GPATCH2: variants seen among roughly 807,000 people sequenced by gnomAD.
GPATCH2 encodes the protein G patch domain-containing protein 2.
A neutral mutation model predicts 58.0 loss-of-function variants in GPATCH2; 51 were observed. That is an observed-to-expected ratio of 0.88 (90% confidence interval 0.70 to 1.11). The LOEUF (loss-of-function observed/expected upper bound fraction) is 1.11. Ranked by LOEUF, GPATCH2 falls within the 50% of genes most tolerant of loss-of-function variation. The probability of loss-of-function intolerance (pLI) is 0.00; values close to 1 mark genes in which losing one functional copy is unlikely to be tolerated. For synonymous variants in GPATCH2, 222 were observed against 218.5 expected (o/e 1.02, Z -0.14); for missense variants, 625 against 652.2 (o/e 0.96, Z 0.45).
rs559829989 is a variant in GPATCH2 at position 217,613,380 on chromosome 1, T to C, written c.835+761A>G. On this transcript the variant is annotated intron_variant, in intron 3 of 9. Transcript: ENST00000366935. ...AACTAAATTTATAATTTAAAATTTA[T>C]ATTAGTGTTTTTCACTTGGAACTTA... Among the ~76,000 whole-genome samples the C allele has an allele frequency of 2.6e-5, 4 of 152,246 alleles. No individual in the cohort carries two copies. In the East Asian group the frequency reaches 7.7e-4, roughly 29 times the overall value.
chr1:217,616,145 T>C (rs1238920919), intron 2 of GPATCH2, among the ~76,000 whole-genome samples: 1 of 152,154 alleles, frequency 6.6e-6, no homozygotes, highest in African/African-American at 2.4e-5. Context: ...GGATTTGGGA[T>C]ATATGGGAAT....
intron 9 of GPATCH2, among the ~76,000 whole-genome samples, chr1:217,438,510 G>A (rs1006182500): frequency 2.0e-5 from 3 of 152,086 alleles, no homozygotes; most frequent in African/African-American, 7.2e-5. Context: ...AACCAGTTTA[G>A]AGAAGAACAT....
intron 5 of GPATCH2, among the ~76,000 whole-genome samples, chr1:217,518,211 C>G (rs1239226358): frequency 6.6e-6 from 1 of 152,062 alleles, no homozygotes; most frequent in Non-Finnish European, 1.5e-5. Context: ...TCACATGGAT[C>G]TTAGATTTTG....
Position 217,523,413 on chromosome 1 carries a change from G to A in GPATCH2, c.1099-8524C>T, listed in dbSNP as rs1416516180. On this transcript the variant is annotated intron_variant, in intron 5 of 9. Transcript: ENST00000366935. ...CTGCCTTCAAGCGTCTGTTTAACAA[G>A]GCACAACTTGCACCGCCCTTAATCC... Among the ~76,000 whole-genome samples the A allele has an allele frequency of 4.0e-4, 61 of 151,732 alleles. 1 individual carries two copies. The highest frequency in any genetic ancestry group is 6.8e-3 in the Middle Eastern group (2 of 294).
At chr1:217,613,983 C>A (rs1276051941) in intron 3 of GPATCH2, among the ~76,000 whole-genome samples, 158 bp downstream of exon 3, 2 of 152,086 alleles carry the variant, frequency 1.3e-5, no homozygotes, top group Non-Finnish European at 2.9e-5. Flanking sequence ...CCCTCCATAG[C>A]ATATAAAAAA....
chr1:217,614,034 G>T lies in GPATCH2; in HGVS notation c.835+107C>A, dbSNP rs184208555. 1.3e-4 allele frequency: 90 copies of T among 714,374 alleles called. 1 individual carries two copies. In the East Asian group the frequency reaches 2.1e-3, roughly 17 times the overall value. The allele number at this position is 714,374 out of a possible 1,614,324, so 44.3% of individuals were successfully genotyped here. A position where few individuals can be genotyped will look rare whatever the true frequency, so the allele number is the denominator to read the frequency against. On this transcript the variant is annotated intron_variant, in intron 3 of 9. Coordinates refer to ENST00000366935, the MANE Select transcript of GPATCH2 (RefSeq NM_018040.5). ...AATCCTAGTTCACTAAGTAATATGTGTAAGGTAAATGGATTGCAGTCATCA... is the reference window on the plus strand; with the variant it reads ...AATCCTAGTTCACTAAGTAATATGTTTAAGGTAAATGGATTGCAGTCATCA...
rs193107956 is a variant in GPATCH2 at position 217,430,678 on chromosome 1, A to C, written c.*467T>G. On this transcript the variant is annotated 3_prime_UTR_variant, in exon 10 of 10. Coordinates refer to ENST00000366935, the MANE Select transcript of GPATCH2 (RefSeq NM_018040.5). ...ATGAAATTGACAAGCCTTTCAAACAAAGATGTGTTCGGACTTCACTGATGC... is the reference window on the plus strand; with the variant it reads ...ATGAAATTGACAAGCCTTTCAAACACAGATGTGTTCGGACTTCACTGATGC... 5 of 157,124 alleles carry C rather than the reference A, an allele frequency of 3.2e-5. No individual in the cohort carries two copies. In the East Asian group the frequency reaches 9.4e-4, roughly 29 times the overall value. 9.7% of individuals were successfully genotyped at this position (157,124 alleles called of 1,614,324 possible).
intron 9 of GPATCH2, among the ~76,000 whole-genome samples, chr1:217,446,661 T>C (rs1175612528): frequency 1.3e-5 from 2 of 152,182 alleles, no homozygotes; most frequent in South Asian, 2.1e-4. Flanking sequence ...TAAATTTCTA[T>C]GAATTTTATC....
chr1:217,602,718 GA>G (rs1668165754), intron 5 of GPATCH2, among the ~76,000 whole-genome samples: 1 of 152,098 alleles, frequency 6.6e-6, no homozygotes, highest in Non-Finnish European at 1.5e-5. Flanking sequence ...AAGAAAGGGT[GA>G]AAATGGAGGA....
chr1:217,484,614 CAT>C (rs1661369347), intron 8 of GPATCH2, among the ~76,000 whole-genome samples: 1 of 147,774 alleles, frequency 6.8e-6, no homozygotes, highest in Non-Finnish European at 1.5e-5. Flanking sequence ...TATGTATACA[CAT>C]ACACATGCAT....
chr1:217,599,463 G>C (rs993056419), intron 5 of GPATCH2, among the ~76,000 whole-genome samples: 2 of 152,202 alleles, frequency 1.3e-5, no homozygotes, highest in African/African-American at 4.8e-5. Flanking sequence ...GACTTGTCTA[G>C]ATGTGGCAAG....
At chr1:217,510,262 A>T (rs886125203) in intron 6 of GPATCH2, among the ~76,000 whole-genome samples, 10 of 152,138 alleles carry the variant, frequency 6.6e-5, no homozygotes, top group African/African-American at 2.2e-4. Flanking sequence ...ATAATTGATT[A>T]TAAATTATCA....
intron 5 of GPATCH2, among the ~76,000 whole-genome samples, chr1:217,521,473 G>C (rs942144363): frequency 6.6e-6 from 1 of 151,972 alleles, no homozygotes; most frequent in African/African-American, 2.4e-5. Flanking sequence ...TTCAGCCAAG[G>C]ATACTCTAGA....
chr1:217,444,386 T>A (rs1483267453), intron 9 of GPATCH2, among the ~76,000 whole-genome samples: 1 of 152,220 alleles, frequency 6.6e-6, no homozygotes, highest in Non-Finnish European at 1.5e-5. Flanking sequence ...AGGGCCATTT[T>A]GGTCTTGAAC....
chr1:217,622,704 C>T (rs1558535028), intron 1 of GPATCH2, among the ~76,000 whole-genome samples: 2 of 152,138 alleles, frequency 1.3e-5, no homozygotes, highest in African/African-American at 2.4e-5. Flanking sequence ...CCACCATGCC[C>T]GGCTAATTTT....
intron 8 of GPATCH2, among the ~76,000 whole-genome samples, chr1:217,463,641 C>CAAAAAAAAAAAAAAAAAAAAAAAAA (rs201402598): frequency 2.4e-5 from 2 of 82,452 alleles, no homozygotes; most frequent in Non-Finnish European, 2.2e-5. Context: ...CTTATCACTC[C>CAAAAAAAAAAAAAAAAAAAAAAAAA]AAAAAAAAAA....
chr1:217,506,789 A>AT (rs1415447886), intron 6 of GPATCH2, among the ~76,000 whole-genome samples: 2 of 152,228 alleles, frequency 1.3e-5, no homozygotes, highest in Non-Finnish European at 2.9e-5. Context: ...ATGCTTTAGC[A>AT]TAAGAATCCT....
At chr1:217,511,817 C>CTGTGTGTGTGTGTGTGTGTG (rs35836441) in intron 6 of GPATCH2, among the ~76,000 whole-genome samples, 30 of 149,040 alleles carry the variant, frequency 2.0e-4, no homozygotes, top group African/African-American at 7.4e-4. Flanking sequence ...AACTGGAAGT[C>CTGTGTGTGTGTGTGTGTGTG]TGTGTGTGTG....
rs977476937 is a variant in GPATCH2 at position 217,427,614 on chromosome 1, T to A, written c.*3531A>T. The A allele has an allele frequency of 4.7e-5, 7 of 149,614 alleles. No homozygotes were observed. Among genetic ancestry groups the A allele is most frequent in the Non-Finnish European group, 8.9e-5 (6 of 67,050 alleles). The allele number at this position is 149,614 out of a possible 1,614,324, so 9.3% of individuals were successfully genotyped here. On this transcript the variant is annotated 3_prime_UTR_variant, in exon 10 of 10. Transcript: ENST00000366935. ...TACCAAAAGAAAAAATAAAAAAAAATATTCTTTGCTAACAATTTCTTTACA... is the reference window on the plus strand; with the variant it reads ...TACCAAAAGAAAAAATAAAAAAAAAAATTCTTTGCTAACAATTTCTTTACA...
Sources: gnomAD v4.1 joint callset for allele counts (sites outside exome capture counted in the v4.1 genomes callset) on GRCh38, gnomAD v4.1.1 for gene constraint, MANE v1.5 for transcripts, NCBI Gene and HGNC (gene_info 2026-07-23, HGNC 2026-07-21) for gene names.